RAP1A: variants seen among roughly 807,000 people sequenced by gnomAD.
The protein encoded by RAP1A is RAP1A, member of RAS oncogene family, also known as ras-related protein Rap-1A.
Under a neutral mutation model 26.4 loss-of-function variants are expected in RAP1A, and 6 were observed. The ratio of observed to expected loss-of-function variants is 0.23; its 90% CI spans 0.12 to 0.45. The LOEUF (loss-of-function observed/expected upper bound fraction) is 0.45. RAP1A is among the 20% of genes least tolerant of loss of function. The pLI is 0.99. For missense variants in RAP1A, 121 were observed against 217.2 expected (o/e 0.56, Z 2.78); for synonymous variants, 73 against 79.4 (o/e 0.92, Z 0.43).
chr1:111,675,708 A>AT (rs1160526972), intron 1 of RAP1A, among the ~76,000 whole-genome samples: 1 of 152,218 alleles, frequency 6.6e-6, no homozygotes, highest in African/African-American at 2.4e-5. Flanking sequence ...CAGAATAATG[A>AT]TATTTGCCAT....
intron 1 of RAP1A, among the ~76,000 whole-genome samples, chr1:111,645,320 AG>A (rs1159425852): frequency 6.6e-6 from 1 of 152,196 alleles, no homozygotes; most frequent in Non-Finnish European, 1.5e-5. Context: ...GTGGGACTTT[AG>A]GAAAAAAGAT....
Position 111,670,390 on chromosome 1 carries a change from C to T in RAP1A, c.-27-20944C>T, listed in dbSNP as rs1002133522. On this transcript the variant is annotated intron_variant, in intron 1 of 7. Transcript: ENST00000369709. The stretch of plus-strand genomic sequence containing the variant: ...TCTGGAGGCTGAAGTGGGAAGATTG[C>T]TTGAGCTCAGGAGGCGGAGGTTACA... 5.9e-5 allele frequency among the ~76,000 whole-genome samples: 9 copies of T among 152,204 alleles called. No homozygotes were observed. The East Asian group carries it at 1.7e-3, about 29-fold the overall frequency.
intron 7 of RAP1A, among the ~76,000 whole-genome samples, chr1:111,711,802 G>A (rs184508135): frequency 8.5e-5 from 13 of 152,302 alleles, no homozygotes; most frequent in Admixed American, 8.5e-4. Context: ...ATTGAATCAT[G>A]TTAATCTCCT....
intron 1 of RAP1A, among the ~76,000 whole-genome samples, chr1:111,602,488 CT>C (rs1012715726): frequency 6.6e-6 from 1 of 152,152 alleles, no homozygotes; most frequent in African/African-American, 2.4e-5. Flanking sequence ...CCTCTTTCCC[CT>C]TTTCCTGCTG....
chr1:111,545,192 G>A (rs1656990349), intron 1 of RAP1A, among the ~76,000 whole-genome samples: 2 of 152,170 alleles, frequency 1.3e-5, no homozygotes, highest in African/African-American at 2.4e-5. Context: ...ACTTTTTGAG[G>A]AGCTACCAAA....
intron 1 of RAP1A, among the ~76,000 whole-genome samples, chr1:111,627,856 TAATA>T (rs1013440819): frequency 3.3e-5 from 5 of 151,990 alleles, no homozygotes; most frequent in Non-Finnish European, 5.9e-5. Context: ...TTATAGTATG[TAATA>T]AATATAAATA....
intron 1 of RAP1A, among the ~76,000 whole-genome samples, chr1:111,586,269 C>T (rs563246469): frequency 2.6e-5 from 4 of 152,218 alleles, no homozygotes; most frequent in Admixed American, 2.6e-4. Flanking sequence ...GAATGGAAGT[C>T]GTGACAACAT....
At chr1:111,658,590 C>G (rs781700402) in intron 1 of RAP1A, among the ~76,000 whole-genome samples, 1 of 152,068 alleles carries the variant, frequency 6.6e-6, no homozygotes, top group Non-Finnish European at 1.5e-5. Context: ...ACATATTCAC[C>G]TAGGCCTACA....
intron 1 of RAP1A, chr1:111,608,646 C>T (rs568685759): frequency 3.0e-5 from 5 of 168,746 alleles, no homozygotes; most frequent in East Asian, 3.5e-4. Flanking sequence ...CGTCTGCAAT[C>T]CCCGCACCCC....
intron 1 of RAP1A, among the ~76,000 whole-genome samples, chr1:111,620,393 G>A (rs1031183026): frequency 2.6e-5 from 4 of 152,146 alleles, no homozygotes; most frequent in Admixed American, 6.5e-5. Flanking sequence ...CCTGTCTAGG[G>A]TCAGAGCTTC....
intron 1 of RAP1A, among the ~76,000 whole-genome samples, chr1:111,548,232 A>C (rs1346162447): frequency 1.3e-5 from 2 of 152,076 alleles, no homozygotes; most frequent in African/African-American, 4.8e-5. Flanking sequence ...TGTTGCCCAG[A>C]CTGGTCTCAA....
intron 1 of RAP1A, among the ~76,000 whole-genome samples, chr1:111,690,360 T>C (rs901720286): frequency 6.6e-6 from 1 of 152,268 alleles, no homozygotes; most frequent in Non-Finnish European, 1.5e-5. Context: ...AGTTAGTCTG[T>C]GTGCTGGGCT....
chr1:111,656,024 A>C (rs1333550765), intron 1 of RAP1A, among the ~76,000 whole-genome samples: 1 of 152,114 alleles, frequency 6.6e-6, no homozygotes, highest in Non-Finnish European at 1.5e-5. Context: ...CCATGTGAGA[A>C]TATAAGACAA....
intron 1 of RAP1A, among the ~76,000 whole-genome samples, chr1:111,611,512 A>AT (rs1328160858): frequency 5.3e-5 from 8 of 152,242 alleles, no homozygotes; most frequent in Admixed American, 5.2e-4. Context: ...TGCTTAATGA[A>AT]TAACGGTTTA....
At chr1:111,595,481 T>A (rs921283505) in intron 1 of RAP1A, among the ~76,000 whole-genome samples, 19 of 152,170 alleles carry the variant, frequency 1.2e-4, no homozygotes, top group East Asian at 5.8e-4. Flanking sequence ...AGAATAGAGA[T>A]GACATTTTCA....
chr1:111,579,914 C>G (rs1194693598), intron 1 of RAP1A, among the ~76,000 whole-genome samples: 5 of 151,918 alleles, frequency 3.3e-5, no homozygotes, highest in Non-Finnish European at 7.4e-5. Flanking sequence ...CTCAGCCTCC[C>G]GAGTAGCTGG....
intron 1 of RAP1A, among the ~76,000 whole-genome samples, chr1:111,655,463 A>G (rs1289837613): frequency 1.3e-5 from 2 of 151,996 alleles, no homozygotes; most frequent in Non-Finnish European, 2.9e-5. Flanking sequence ...TGACTGATAA[A>G]TATTTGAAAA....
At chr1:111,659,326 A>C (rs1014292767) in intron 1 of RAP1A, among the ~76,000 whole-genome samples, 10 of 152,210 alleles carry the variant, frequency 6.6e-5, no homozygotes, top group South Asian at 4.1e-4. Flanking sequence ...CTTTATTAAA[A>C]GTTATGTGAA....
At chr1:111,580,356 C>G (rs994021652) in intron 1 of RAP1A, among the ~76,000 whole-genome samples, 1 of 152,124 alleles carries the variant, frequency 6.6e-6, no homozygotes, top group African/African-American at 2.4e-5. Context: ...GGAGGAGAAG[C>G]AACTTTGGGA....
Sources: gnomAD v4.1 joint callset for allele counts (sites outside exome capture counted in the v4.1 genomes callset) on GRCh38, gnomAD v4.1.1 for gene constraint, MANE v1.5 for transcripts, NCBI Gene and HGNC (gene_info 2026-07-23, HGNC 2026-07-21) for gene names.